Variants in TNS3 observed in about 807,000 individuals in gnomAD.
The protein encoded by TNS3 is tensin 3.
In TNS3, 45 loss-of-function variants were observed where a neutral mutation model predicts 140.9. The ratio of observed to expected loss-of-function variants is 0.32; its 90% CI spans 0.25 to 0.41. The LOEUF is 0.41. TNS3 is among the 10% of genes least tolerant of loss of function. TNS3 has a pLI of 1.00. For missense variants in TNS3, 1,716 were observed against 1,906.7 expected, an observed-to-expected ratio of 0.90 and a Z score of 1.86; for synonymous variants, 815 against 788.4, an observed-to-expected ratio of 1.03 and a Z score of -0.56.
intron 20 of TNS3, 49 bp downstream of exon 20, chr7:47,344,706 T>A (rs944186368): frequency 6.4e-7 from 1 of 1,551,896 alleles, no homozygotes; most frequent in East Asian, 2.3e-5. Flanking sequence ...GACCCCGCGA[T>A]GCAGCGCCTG....
At chr7:47,405,927 T>C (rs1321743824) in intron 13 of TNS3, among the ~76,000 whole-genome samples, 1 of 151,994 alleles carries the variant, frequency 6.6e-6, no homozygotes, top group Non-Finnish European at 1.5e-5. Context: ...GGCCGTGGAT[T>C]TGTCCAAGCA....
At chr7:47,336,826 G>T (rs1313733817) in intron 20 of TNS3, among the ~76,000 whole-genome samples, 2 of 152,168 alleles carry the variant, frequency 1.3e-5, no homozygotes, top group Non-Finnish European at 2.9e-5. Context: ...AAGCGTGCGG[G>T]CTGCATTTGG....
intron 16 of TNS3, among the ~76,000 whole-genome samples, chr7:47,376,399 T>C (rs1388419626): frequency 6.6e-6 from 1 of 152,190 alleles, no homozygotes; most frequent in Non-Finnish European, 1.5e-5. Context: ...GAGAGAATTC[T>C]GGAAACACCC....
intron 2 of TNS3, among the ~76,000 whole-genome samples, chr7:47,525,174 G>A (rs1319758212): frequency 1.3e-5 from 2 of 152,204 alleles, no homozygotes; most frequent in African/African-American, 2.4e-5. Context: ...GTACGTGTGG[G>A]GTCCTCCAGG....
intron 4 of TNS3, among the ~76,000 whole-genome samples, chr7:47,442,299 G>T (rs1795504861): frequency 6.6e-6 from 1 of 152,236 alleles, no homozygotes; most frequent in Non-Finnish European, 1.5e-5. Flanking sequence ...GAGCCAGTGA[G>T]GCCACCCTCC....
In TNS3 at chr7:47,407,517, C is replaced by T. The variant is rs1166672862; in HGVS notation, c.723+4210G>A. 6.6e-6 allele frequency among the ~76,000 whole-genome samples: 1 copy of T among 152,146 alleles called. No homozygotes were observed. The highest frequency in any genetic ancestry group is 2.4e-5 in the African/African-American group (1 of 41,434). The stretch of plus-strand genomic sequence containing the variant: ...CAAACCACAGCCACAGGGACTGGGC[C>T]GTCAATGGCACCTGACTGCGCTAGT... On this transcript the variant is annotated intron_variant, in intron 13 of 30. Transcript: ENST00000311160. This position sits in a 1 kb window ranked among gnomAD's most constrained non-coding sequence, Gnocchi z 4.1.
intron 2 of TNS3, among the ~76,000 whole-genome samples, chr7:47,509,710 AC>A (rs1430437266): frequency 6.6e-6 from 1 of 151,308 alleles, no homozygotes; most frequent in Non-Finnish European, 1.5e-5. Context: ...TGCCTGCCCT[AC>A]CCCTGCCTGC....
intron 30 of TNS3, 131 bp downstream of exon 30, chr7:47,280,032 CT>C: frequency 8.9e-7 from 1 of 1,119,416 alleles, no homozygotes. Flanking sequence ...TTACTTTTTT[CT>C]TTTTTAAAAG....
At chr7:47,404,249 G>A (rs546478999) in intron 13 of TNS3, among the ~76,000 whole-genome samples, 6 of 152,282 alleles carry the variant, frequency 3.9e-5, no homozygotes, top group East Asian at 1.9e-4. Context: ...ATCACAAATC[G>A]CTGGGAGCAC....
chr7:47,393,027 G>C (rs1792620235), intron 16 of TNS3, among the ~76,000 whole-genome samples: 1 of 152,210 alleles, frequency 6.6e-6, no homozygotes, highest in Non-Finnish European at 1.5e-5. Context: ...AGTGTGCTCA[G>C]TGAGAAGGAC....
chr7:47,563,042 GTTCTTGT>G (rs1800349274), intron 1 of TNS3, among the ~76,000 whole-genome samples: 1 of 152,152 alleles, frequency 6.6e-6, no homozygotes, highest in Admixed American at 6.5e-5. Context: ...AGCTATGCCC[GTTCTTGT>G]TTATGTCCCT....
At chr7:47,282,093 CT>C (rs1785175379) in intron 28 of TNS3, among the ~76,000 whole-genome samples, 1 of 151,716 alleles carries the variant, frequency 6.6e-6, no homozygotes, top group Non-Finnish European at 1.5e-5. Context: ...CGCTATGCCC[CT>C]GACACTGACT....
chr7:47,305,115 TG>T, intron 20 of TNS3, 112 bp from the exon 21 acceptor site: 1 of 853,304 alleles, frequency 1.2e-6, no homozygotes, highest in Non-Finnish European at 1.6e-6. Flanking sequence ...TGAGGCTTTC[TG>T]TCATCCATGG....
chr7:47,501,000 A>G (rs1798192385), intron 3 of TNS3, among the ~76,000 whole-genome samples: 1 of 152,156 alleles, frequency 6.6e-6, no homozygotes, highest in African/African-American at 2.4e-5. Context: ...AGGCAGAAGA[A>G]TCCCTTGAAC....
chr7:47,436,446 G>A (rs530091931), intron 7 of TNS3, among the ~76,000 whole-genome samples: 4 of 152,230 alleles, frequency 2.6e-5, no homozygotes, highest in African/African-American at 7.2e-5. Flanking sequence ...TGAGGGGCAA[G>A]GGGAATGAGA....
chr7:47,303,742 G>A (rs1168573997), intron 21 of TNS3, among the ~76,000 whole-genome samples, 158 bp from the exon 22 acceptor site: 1 of 152,172 alleles, frequency 6.6e-6, no homozygotes, highest in African/African-American at 2.4e-5. Flanking sequence ...GTACACTAAG[G>A]CCCTCTCTGA....
At chr7:47,447,941 T>C (rs1293434574) in intron 4 of TNS3, among the ~76,000 whole-genome samples, 1 of 152,242 alleles carries the variant, frequency 6.6e-6, no homozygotes, top group Non-Finnish European at 1.5e-5. Flanking sequence ...AGAGTCTTTC[T>C]GCACATCTGG....
intron 1 of TNS3, among the ~76,000 whole-genome samples, chr7:47,547,693 C>T (rs1165296667): frequency 2.0e-5 from 3 of 152,126 alleles, no homozygotes; most frequent in Non-Finnish European, 2.9e-5. Flanking sequence ...CCCACGTCTA[C>T]GCCGCCATCC....
Position 47,277,930 on chromosome 7 carries a change from T to G in TNS3, c.*146A>C. 1.1e-6 allele frequency: 1 copy of G among 909,342 alleles called. No individual in the cohort carries two copies. The highest frequency in any genetic ancestry group is 1.8e-6 in the Non-Finnish European group (1 of 564,258). The allele number at this position is 909,342 out of a possible 1,614,324, so 56.3% of individuals were successfully genotyped here. A position where few individuals can be genotyped will look rare whatever the true frequency, so the allele number is the denominator to read the frequency against. ...CGGTGATGTTGTTTGTTCTTGTTTT[T>G]GCAGAGCTGGAAGATCCTCTTTCCC... On this transcript the variant is annotated 3_prime_UTR_variant, in exon 31 of 31. Coordinates refer to ENST00000311160, the MANE Select transcript of TNS3 (RefSeq NM_022748.12).
Sources: gnomAD v4.1 joint callset for allele counts (sites outside exome capture counted in the v4.1 genomes callset) on GRCh38, gnomAD v4.1.1 for gene constraint, Gnocchi (gnomAD v3.1) non-coding constraint, MANE v1.5 for transcripts, NCBI Gene and HGNC (gene_info 2026-07-23, HGNC 2026-07-21) for gene names.